DOCK6: variants seen among roughly 807,000 people sequenced by gnomAD.
DOCK6 encodes dedicator of cytokinesis protein 6.
A neutral mutation model predicts 230.3 loss-of-function variants in DOCK6; 167 were observed. The ratio of observed to expected loss-of-function variants is 0.73; its 90% CI spans 0.64 to 0.82. DOCK6 has a LOEUF of 0.82. Ranked by LOEUF, DOCK6 falls within the 40% of genes least tolerant of loss-of-function variation. The probability of loss-of-function intolerance (pLI) is 0.00; values close to 1 mark genes in which losing one functional copy is unlikely to be tolerated. For missense variants in DOCK6, 2,598 were observed against 2,825.8 expected (o/e 0.92, Z 1.83); for synonymous variants, 1,148 against 1,185.0 (o/e 0.97, Z 0.64).
At position 11,217,087 on chromosome 19, in the gene DOCK6, C is replaced by T. The variant is rs200053961; in HGVS notation, c.3721G>A (p.Ala1241Thr). 96 of 1,611,432 alleles carry T rather than the reference C, an allele frequency of 6.0e-5. No homozygotes were observed. The highest frequency in any genetic ancestry group is 4.7e-4 in the East Asian group (21 of 44,846). The change falls in exon 30 of 48, where the codon GCA becomes ACA. Residue 1241 changes from alanine to threonine, a missense_variant. Transcript: ENST00000294618. ...ISQGPPTASR[A>T]GCALSAESSR... is the part of the protein sequence containing the mutation. Reference sequence around the variant, plus strand: ...GACTCAGCAGAGAGGGCACAGCCTGCGCGAGAAGCCTGGGGCCAGAGAGGA... The same window carrying T: ...GACTCAGCAGAGAGGGCACAGCCTGTGCGAGAAGCCTGGGGCCAGAGAGGA...
Position 11,243,955 on chromosome 19 carries a change from T to A in DOCK6, c.1024-73A>T. ...GTTCCCCCGTGCTGGCTCCCCAGCC[T>A]CCTGGACCCCTCATGGGCCCTCGGA... is the stretch of plus-strand genomic sequence containing the variant. On this transcript the variant is annotated intron_variant, in intron 9 of 47. Transcript: ENST00000294618. The surrounding 1 kb of genome is among the most constrained non-coding windows in gnomAD (Gnocchi z 6.3). 6.7e-7 allele frequency: 1 copy of A among 1,503,360 alleles called. No individual in the cohort carries two copies. The highest frequency in any genetic ancestry group is 9.1e-7 in the Non-Finnish European group (1 of 1,102,324). The allele number at this position is 1,503,360 out of a possible 1,614,324, so 93.1% of individuals were successfully genotyped here. A position where few individuals can be genotyped will look rare whatever the true frequency, so the allele number is the denominator to read the frequency against.
At chr19:11,207,637 T>A (rs955968255) in intron 39 of DOCK6, among the ~76,000 whole-genome samples, 1 of 150,676 alleles carries the variant, frequency 6.6e-6, no homozygotes. Flanking sequence ...ATGAAAAAAT[T>A]AAAAATTGGC....
intron 1 of DOCK6, among the ~76,000 whole-genome samples, chr19:11,261,149 C>T (rs1277941628): frequency 6.6e-6 from 1 of 150,444 alleles, no homozygotes; most frequent in African/African-American, 2.4e-5. Flanking sequence ...GCCCACACGA[C>T]CCTGTACATT....
Position 11,258,041 on chromosome 19 carries a change from T to A in DOCK6, c.45-4315A>T, listed in dbSNP as rs576876747. 2.0e-4 allele frequency among the ~76,000 whole-genome samples: 30 copies of A among 152,312 alleles called. 1 individual carries two copies. The highest frequency in any genetic ancestry group is 8.3e-4 in the South Asian group (4 of 4,828). On this transcript the variant is annotated intron_variant, in intron 1 of 47. Coordinates refer to ENST00000294618, the MANE Select transcript of DOCK6 (RefSeq NM_020812.4). Reference sequence around the variant, plus strand: ...AATTCTACTCCAAGGTGTGGATTACTCAGAAGGAAACACATGGCCAAGAAT... The same window carrying A: ...AATTCTACTCCAAGGTGTGGATTACACAGAAGGAAACACATGGCCAAGAAT...
intron 1 of DOCK6, among the ~76,000 whole-genome samples, chr19:11,258,959 C>G (rs11671207): frequency 0.56 from 84,510 of 151,486 alleles, 25,115 homozygotes; most frequent in South Asian, 0.67. Context: ...GTTTCACCAT[C>G]TACAGACCCG....
chr19:11,247,949 G>C (rs916595675), intron 7 of DOCK6, 117 bp downstream of exon 7: 2 of 836,760 alleles, frequency 2.4e-6, no homozygotes, highest in Admixed American at 2.1e-5. Flanking sequence ...TACATAGGTG[G>C]CCACATAGGT....
intron 37 of DOCK6, among the ~76,000 whole-genome samples, chr19:11,211,323 G>T (rs1055895298): frequency 6.7e-6 from 1 of 149,730 alleles, no homozygotes; most frequent in African/African-American, 2.5e-5. Flanking sequence ...TCACCCGTCC[G>T]CCTCTCCTAC....
At chr19:11,199,640 A>G (rs2079136056) in intron 47 of DOCK6, 101 bp from the exon 48 acceptor site, 5 of 1,301,240 alleles carry the variant, frequency 3.8e-6, no homozygotes, top group Middle Eastern at 1.8e-4. Flanking sequence ...TCTTCCTCCA[A>G]GGATCCTTCT....
chr19:11,208,835 G>A lies in DOCK6; in HGVS notation c.4945-6C>T. On this transcript the variant is annotated splice_region_variant and splice_polypyrimidine_tract_variant and intron_variant, in intron 38 of 47. Coordinates refer to ENST00000294618, the MANE Select transcript of DOCK6 (RefSeq NM_020812.4). ...AGCACGTTGGATGAGATGTTCTGGGGTGGGAGAGGTGGCGTCAGACCCTGG... is the reference window on the plus strand; with the variant it reads ...AGCACGTTGGATGAGATGTTCTGGGATGGGAGAGGTGGCGTCAGACCCTGG... 1.2e-6 allele frequency: 2 copies of A among 1,610,684 alleles called. No individual in the cohort carries two copies. The highest frequency in any genetic ancestry group is 4.5e-5 in the East Asian group (2 of 44,798).
chr19:11,237,855 G>T lies in DOCK6; in HGVS notation c.1833-76C>A, dbSNP rs1156722564. On this transcript the variant is annotated intron_variant, in intron 16 of 47. Transcript: ENST00000294618. The stretch of plus-strand genomic sequence containing the variant: ...TGCCCCATCACCTCTGCCATGCCAC[G>T]CCCTTATTGCTGCTAGGCCCCACTG... 6 of 1,473,218 alleles carry T rather than the reference G, an allele frequency of 4.1e-6. No homozygotes were observed. The East Asian group carries it at 1.5e-4, about 36-fold the overall frequency. 91.3% of individuals were successfully genotyped at this position (1,473,218 alleles called of 1,614,324 possible).
rs746677709 is a variant in DOCK6 at position 11,251,052 on chromosome 19, T to C, written c.542A>G (p.Asp181Gly). The change falls in exon 6 of 48, where the codon GAC becomes GGC. Residue 181 changes from aspartate to glycine, a missense_variant. Physicochemically the swap from Asp to Gly is moderately conservative, Grantham distance 94. Coordinates refer to ENST00000294618, the MANE Select transcript of DOCK6 (RefSeq NM_020812.4). ...DSRRGSGSPE[D>G]TPRSSGASSI... ...AGAGGCACCACTGCTTCGAGGGGTG[T>C]CTTCCGGGGAGCCCGAGCCACGCCG... 1 of 1,613,032 alleles carries C rather than the reference T, an allele frequency of 6.2e-7. No individual in the cohort carries two copies. Among genetic ancestry groups the C allele is most frequent in the African/African-American group, 1.3e-5 (1 of 74,918 alleles).
At position 11,243,722 on chromosome 19, in the gene DOCK6, C is replaced by A. The variant is rs115059172; in HGVS notation, c.1105-12G>T. The A allele has an allele frequency of 4.8e-3, 7,698 of 1,613,864 alleles. 305 individuals are homozygous for A. The African/African-American group carries it at 0.088, about 18-fold the overall frequency. Reference sequence around the variant, plus strand: ...AGCTTCTCTTTGTTCTGTGGGGAGACCCCGTCCCCTGCCAGCTCAGCATCC... The same window carrying A: ...AGCTTCTCTTTGTTCTGTGGGGAGAACCCGTCCCCTGCCAGCTCAGCATCC... On this transcript the variant is annotated splice_polypyrimidine_tract_variant and intron_variant, in intron 10 of 47. Coordinates refer to ENST00000294618, the MANE Select transcript of DOCK6 (RefSeq NM_020812.4). This position sits in a 1 kb window ranked among gnomAD's most constrained non-coding sequence, Gnocchi z 6.3.
intron 21 of DOCK6, among the ~76,000 whole-genome samples, chr19:11,233,703 G>A (rs1172390328): frequency 6.6e-6 from 1 of 152,186 alleles, no homozygotes; most frequent in Non-Finnish European, 1.5e-5. Context: ...GCCGGGCATG[G>A]CAGTGCGCGC....
chr19:11,259,432 G>T (rs1013795410), intron 1 of DOCK6, among the ~76,000 whole-genome samples: 2 of 133,416 alleles, frequency 1.5e-5, no homozygotes, highest in Non-Finnish European at 3.5e-5. Context: ...ATTCAAGGAT[G>T]GGGGAGAGAG....
At chr19:11,262,026 G>T (rs1427252258) in intron 1 of DOCK6, among the ~76,000 whole-genome samples, 2 of 152,194 alleles carry the variant, frequency 1.3e-5, no homozygotes, top group Admixed American at 6.5e-5. Context: ...ATCTCCGAGA[G>T]CGCGGGGACA....
Position 11,202,539 on chromosome 19 carries a change from A to T in DOCK6, c.5361+45T>A. 6.2e-7 allele frequency: 1 copy of T among 1,613,692 alleles called. No homozygotes were observed. The highest frequency in any genetic ancestry group is 8.5e-7 in the Non-Finnish European group (1 of 1,179,788). On this transcript the variant is annotated intron_variant, in intron 42 of 47. Transcript: ENST00000294618. The surrounding 1 kb of genome is among the most constrained non-coding windows in gnomAD (Gnocchi z 5.3). ...CAGGGACAGCCCCTACTCCAGCCCC[A>T]AGGCAGCCCCATGCCCCGTTCCACC...
rs767050821 is a variant in DOCK6 at position 11,216,903 on chromosome 19, C to T, written c.3894+11G>A. 1.3e-5 allele frequency: 21 copies of T among 1,613,230 alleles called. No individual in the cohort carries two copies. Among genetic ancestry groups the T allele is most frequent in the Admixed American group, 1.2e-4 (7 of 59,992 alleles). ...TGCCTCCTCCATCATCTCCTGCCCACGCCCTCAAACCTTGTACTCAAAGGC... is the reference window on the plus strand; with the variant it reads ...TGCCTCCTCCATCATCTCCTGCCCATGCCCTCAAACCTTGTACTCAAAGGC... On this transcript the variant is annotated intron_variant, in intron 30 of 47. Coordinates refer to ENST00000294618, the MANE Select transcript of DOCK6 (RefSeq NM_020812.4).
Position 11,200,861 on chromosome 19 carries a change from C to A in DOCK6, c.5833-39G>T. On this transcript the variant is annotated intron_variant, in intron 45 of 47. Transcript: ENST00000294618. This position sits in a 1 kb window ranked among gnomAD's most constrained non-coding sequence, Gnocchi z 4.3. ...GGGACTGGTGAGCCAGCCTGCATGGCACCTGGAGTCCCCCGTGCGGCTTGC... is the reference window on the plus strand; with the variant it reads ...GGGACTGGTGAGCCAGCCTGCATGGAACCTGGAGTCCCCCGTGCGGCTTGC... 1.2e-6 allele frequency: 2 copies of A among 1,613,532 alleles called. No individual in the cohort carries two copies. Among genetic ancestry groups the A allele is most frequent in the Middle Eastern group, 3.3e-4 (2 of 6,062 alleles).
chr19:11,208,711 TC>T lies in DOCK6; in HGVS notation c.5062del (p.Glu1688AsnfsTer16). ...FTELGLVGLL[E>X]QAAGYFTMGG... ...CATGGTGAAGTAGCCGGCTGCCTGT[TC>T]CAGCAACCCTACCAGCCCCAGCTCA... On this transcript the variant is annotated frameshift_variant, in exon 39 of 48. Transcript: ENST00000294618. LOFTEE classifies it high-confidence loss of function. The T allele has an allele frequency of 6.2e-7, 1 of 1,612,008 alleles. No homozygotes were observed. Among genetic ancestry groups the T allele is most frequent in the Non-Finnish European group, 8.5e-7 (1 of 1,178,390 alleles).
Sources: gnomAD v4.1 joint callset for allele counts (sites outside exome capture counted in the v4.1 genomes callset) on GRCh38, gnomAD v4.1.1 for gene constraint, Gnocchi (gnomAD v3.1) non-coding constraint, MANE v1.5 for transcripts, NCBI Gene and HGNC (gene_info 2026-07-23, HGNC 2026-07-21) for gene names.